SLIT2: variants seen among roughly 807,000 people sequenced by gnomAD.
SLIT2 encodes the protein slit homolog 2 protein.
SLIT2 carries 41 observed loss-of-function variants against 185.7 expected under a neutral mutation model. The observed-to-expected ratio is 0.22, with a 90% CI of 0.17 to 0.29. SLIT2 has a LOEUF of 0.29. Ranked by LOEUF, SLIT2 falls within the 10% of genes least tolerant of loss-of-function variation. The probability of loss-of-function intolerance (pLI) is 1.00; values close to 1 mark genes in which losing one functional copy is unlikely to be tolerated. For missense variants in SLIT2, 1,571 were observed against 1,909.0 expected (o/e 0.82, Z 3.30); for synonymous variants, 693 against 680.2 (o/e 1.02, Z -0.29).
intron 32 of SLIT2, among the ~76,000 whole-genome samples, chr4:20,597,127 G>A (rs1036945279): frequency 8.6e-5 from 13 of 150,316 alleles, no homozygotes; most frequent in East Asian, 7.8e-4. Context: ...GTTCAGTGGC[G>A]TGATCTCAGC....
chr4:20,290,363 C>T (rs374464217), intron 4 of SLIT2, among the ~76,000 whole-genome samples: 5 of 151,872 alleles, frequency 3.3e-5, no homozygotes, highest in African/African-American at 9.7e-5. Flanking sequence ...AAATACAAAC[C>T]AAAAACTATA....
chr4:20,604,838 ATT>A (rs780230047), intron 33 of SLIT2, among the ~76,000 whole-genome samples: 18 of 141,774 alleles, frequency 1.3e-4, no homozygotes, highest in Admixed American at 2.9e-4. Context: ...AGATACTTTA[ATT>A]TTTTTTTTTT....
chr4:20,258,320 T>C (rs1712076487), intron 3 of SLIT2, among the ~76,000 whole-genome samples: 1 of 151,800 alleles, frequency 6.6e-6, no homozygotes, highest in African/African-American at 2.4e-5. Context: ...CTAATTGTTA[T>C]TTTCATTTTC....
intron 4 of SLIT2, among the ~76,000 whole-genome samples, chr4:20,346,676 C>G (rs1721438154): frequency 6.6e-6 from 1 of 152,154 alleles, no homozygotes. Context: ...TGGATCAGTC[C>G]AAGTCCCAAA....
chr4:20,513,038 C>T (rs1330959854), intron 11 of SLIT2, among the ~76,000 whole-genome samples: 1 of 152,082 alleles, frequency 6.6e-6, no homozygotes, highest in Non-Finnish European at 1.5e-5. Flanking sequence ...ATCTAATAAA[C>T]AATAAAATAG....
intron 4 of SLIT2, among the ~76,000 whole-genome samples, chr4:20,398,314 T>G (rs754493415): frequency 2.0e-5 from 3 of 151,816 alleles, no homozygotes; most frequent in Non-Finnish European, 4.4e-5. Context: ...AAAGGGTCTT[T>G]GCATTTGATT....
chr4:20,498,667 T>C (rs1718445272), intron 9 of SLIT2, among the ~76,000 whole-genome samples: 1 of 152,170 alleles, frequency 6.6e-6, no homozygotes, highest in African/African-American at 2.4e-5. Context: ...TTGTGTTTGC[T>C]CCTATGTCCT....
At chr4:20,560,288 G>A (rs1052844083) in intron 26 of SLIT2, among the ~76,000 whole-genome samples, 13 of 151,720 alleles carry the variant, frequency 8.6e-5, no homozygotes, top group Admixed American at 8.5e-4. Context: ...CAATTTAAAT[G>A]TTTTTTTCTG....
chr4:20,618,705 A>G, intron 36 of SLIT2, 63 bp from the exon 37 acceptor site: 1 of 1,484,480 alleles, frequency 6.7e-7, no homozygotes, highest in Non-Finnish European at 9.0e-7. Context: ...GTGGATTCAC[A>G]GTCACTCTGC....
At chr4:20,387,791 A>G (rs903584585) in intron 4 of SLIT2, among the ~76,000 whole-genome samples, 4 of 152,142 alleles carry the variant, frequency 2.6e-5, no homozygotes, top group African/African-American at 7.2e-5. Flanking sequence ...AATTCTGCCA[A>G]CAACCTGGAT....
chr4:20,417,458 A>G (rs1178548154), intron 4 of SLIT2, among the ~76,000 whole-genome samples: 2 of 137,040 alleles, frequency 1.5e-5, no homozygotes, highest in African/African-American at 5.3e-5. Context: ...ATATATATAT[A>G]CGTATATATA....
intron 4 of SLIT2, among the ~76,000 whole-genome samples, chr4:20,409,293 G>C (rs1441294138): frequency 2.6e-5 from 4 of 152,114 alleles, no homozygotes; most frequent in African/African-American, 9.7e-5. Flanking sequence ...TCCTCATTCA[G>C]CTCCCACTTA....
chr4:20,513,947 C>T (rs563068575), intron 11 of SLIT2, among the ~76,000 whole-genome samples: 1 of 152,018 alleles, frequency 6.6e-6, no homozygotes, highest in African/African-American at 2.4e-5. Flanking sequence ...GTAGTGGGTG[C>T]TTGAAACTGA....
chr4:20,596,440 C>T lies in SLIT2; in HGVS notation c.3346C>T (p.Pro1116Ser). ...TGGCTTGTTCTGTGAGTTTTCTCCA[C>T]CCATGGTCCTCCCTCGTACCAGCCC... ...YSGLFCEFSP[P>S]MVLPRTSPCD... is the part of the protein sequence containing the mutation. The change falls in exon 32 of 37, where the codon CCC becomes TCC. Residue 1116 changes from proline (P) to serine (S), a missense_variant. Physicochemically the swap from Pro to Ser is moderately conservative, Grantham distance 74 (BLOSUM62 -1). This residue lies in a region of SLIT2 where 1,202 missense variants were observed against 1,416.4 expected (regional missense o/e 0.85). Transcript: ENST00000504154. 1 of 1,613,886 alleles carries T rather than the reference C, an allele frequency of 6.2e-7. No homozygotes were observed. The highest frequency in any genetic ancestry group is 8.5e-7 in the Non-Finnish European group (1 of 1,179,902).
chr4:20,607,499 A>G (rs1391422131), intron 33 of SLIT2, among the ~76,000 whole-genome samples: 1 of 152,206 alleles, frequency 6.6e-6, no homozygotes, highest in African/African-American at 2.4e-5. Flanking sequence ...ACAATTAGCA[A>G]GAGTTTAAGA....
At chr4:20,529,822 A>T (rs1721624760) in intron 16 of SLIT2, among the ~76,000 whole-genome samples, 1 of 152,196 alleles carries the variant, frequency 6.6e-6, no homozygotes, top group African/African-American at 2.4e-5. Context: ...AAACCTCATC[A>T]TTCTCTAAAC....
rs1272190742 is a variant in SLIT2 at position 20,617,187 on chromosome 4, C to T, written c.4125C>T (p.Cys1375=). 1 of 1,578,300 alleles carries T rather than the reference C, an allele frequency of 6.3e-7. No individual in the cohort carries two copies. Among genetic ancestry groups the T allele is most frequent in the Non-Finnish European group, 8.6e-7 (1 of 1,157,550 alleles). The change falls in exon 35 of 37, where the codon TGC becomes TGT. Residue 1375 remains cysteine, a synonymous_variant. Transcript: ENST00000504154. ...GTGACCAACGGACCAATGACCCTTG[C>T]CTTGGAAATAAGTAAGTTCCTGCTG... ...PLCDQRTNDP[C]LGNKCVHGTC... is the part of the protein sequence containing the mutation.
Position 20,468,850 on chromosome 4 carries a change from C to CTT in SLIT2, c.467+1039_467+1040dup, listed in dbSNP as rs34126935. ...AATTCTCCATGGTTGGATCCAATGC[C>CTT]TTTTTTTTTTTTTCAGTAGCAAAAG... On this transcript the variant is annotated intron_variant, in intron 5 of 36. Coordinates refer to ENST00000504154, the MANE Select transcript of SLIT2 (RefSeq NM_004787.4). Among the ~76,000 whole-genome samples, 125 of 143,740 alleles carry CTT rather than the reference C, an allele frequency of 8.7e-4. 1 individual carries two copies. The highest frequency in any genetic ancestry group is 2.1e-3 in the African/African-American group (83 of 39,220). 94.3% of individuals were successfully genotyped at this position (143,740 alleles called of 152,430 possible).
At chr4:20,437,684 G>A (rs1356556515) in intron 4 of SLIT2, among the ~76,000 whole-genome samples, 2 of 151,820 alleles carry the variant, frequency 1.3e-5, no homozygotes, top group African/African-American at 2.4e-5. Flanking sequence ...ATGCTGAGGC[G>A]GGCGGATCAC....
Sources: allele counts gnomAD v4.1 joint callset (sites outside exome capture counted in the v4.1 genomes callset), GRCh38; gene constraint gnomAD v4.1.1; regional missense constraint gnomAD v4.1.1; transcripts MANE v1.5; gene names NCBI Gene and HGNC (gene_info 2026-07-23, HGNC 2026-07-21).